Variants in MYPN observed in about 807,000 individuals in gnomAD.
MYPN encodes the protein myopalladin.
MYPN carries 63 observed loss-of-function variants against 129.4 expected under a neutral mutation model. The ratio of observed to expected loss-of-function variants is 0.49; its 90% CI spans 0.40 to 0.60. The LOEUF (loss-of-function observed/expected upper bound fraction) is 0.60, where lower values mean the gene tolerates loss of function less well. Ranked by LOEUF, MYPN falls within the 20% of genes least tolerant of loss-of-function variation. The pLI is 0.00. For missense variants in MYPN, 1,596 were observed against 1,635.4 expected (o/e 0.98, Z 0.42); for synonymous variants, 629 against 600.9 (o/e 1.05, Z -0.68).
intron 17 of MYPN, 67 bp downstream of exon 17, chr10:68,199,642 C>G: frequency 2.0e-6 from 3 of 1,470,064 alleles, no homozygotes; most frequent in Non-Finnish European, 1.9e-6. Flanking sequence ...GAGGCAGAGC[C>G]TCTGCCAGAA....
chr10:68,150,197 A>G lies in MYPN; in HGVS notation c.1317+86A>G, dbSNP rs1367925811. 7.2e-6 allele frequency: 9 copies of G among 1,251,150 alleles called. No individual in the cohort carries two copies. The Admixed American group carries it at 9.0e-5, about 12-fold the overall frequency. 77.5% of individuals were successfully genotyped at this position (1,251,150 alleles called of 1,614,324 possible). ...TAGGATACAAGATTTATTCATTTTT[A>G]TCTCAGGATTTGGTCTTCTGTATGT... On this transcript the variant is annotated intron_variant, in intron 6 of 19. Coordinates refer to ENST00000358913, the MANE Select transcript of MYPN (RefSeq NM_032578.4).
intron 2 of MYPN, among the ~76,000 whole-genome samples, chr10:68,125,420 T>G (rs1311145768): frequency 6.6e-6 from 1 of 152,168 alleles, no homozygotes; most frequent in Non-Finnish European, 1.5e-5. Context: ...GCAATTAGAT[T>G]AAGAATAGAA....
chr10:68,143,129 C>T lies in MYPN; in HGVS notation c.1078+14C>T, dbSNP rs766275789. 31 of 1,611,818 alleles carry T rather than the reference C, an allele frequency of 1.9e-5. No homozygotes were observed. Among genetic ancestry groups the T allele is most frequent in the African/African-American group, 2.7e-5 (2 of 74,848 alleles). ...TTTATATAGAAGGTAAAACAAAATG[C>T]TCTTGGAGTATGACACTTAATAGTA... On this transcript the variant is annotated intron_variant, in intron 3 of 19. Transcript: ENST00000358913.
At chr10:68,120,646 G>A (rs979816028) in intron 1 of MYPN, among the ~76,000 whole-genome samples, 1 of 152,164 alleles carries the variant, frequency 6.6e-6, no homozygotes. Flanking sequence ...GAGCTAGCTA[G>A]ATCAAGTTCA....
At chr10:68,145,855 A>G (rs991443124) in intron 4 of MYPN, among the ~76,000 whole-genome samples, 2 of 152,176 alleles carry the variant, frequency 1.3e-5, no homozygotes, top group Admixed American at 6.5e-5. Flanking sequence ...AACATTCATA[A>G]CCAGAGTAAA....
chr10:68,129,468 T>C (rs2042376458), intron 2 of MYPN, among the ~76,000 whole-genome samples: 1 of 152,212 alleles, frequency 6.6e-6, no homozygotes, highest in South Asian at 2.1e-4. Context: ...TTTTACTGTA[T>C]GGCTAGAATA....
rs1554846698 is a variant in MYPN, at chr10:68,173,848, T to TTTG, written c.1974-217_1974-216insTGT. ...GTATATATAATTTTTTTTTTTTTTGTTAGAGACGGGGTTTCACCATGTTGC... is the reference window on the plus strand; with the variant it reads ...GTATATATAATTTTTTTTTTTTTTGTTTGTAGAGACGGGGTTTCACCATGTTGC... On this transcript the variant is annotated intron_variant, in intron 10 of 19. Transcript: ENST00000358913. 3.0e-5 allele frequency among the ~76,000 whole-genome samples: 4 copies of TTTG among 135,380 alleles called. 1 individual carries two copies. Among genetic ancestry groups the TTTG allele is most frequent in the East Asian group, 4.4e-4 (2 of 4,544 alleles). The allele number at this position is 135,380 out of a possible 152,430, so 88.8% of individuals were successfully genotyped here.
chr10:68,205,339 CT>C lies in MYPN; in HGVS notation c.3660-1427del, dbSNP rs944287058. Among the ~76,000 whole-genome samples, 116 of 151,956 alleles carry C rather than the reference CT, an allele frequency of 7.6e-4. 1 individual carries two copies. The highest frequency in any genetic ancestry group is 2.8e-3 in the African/African-American group (114 of 41,430). On this transcript the variant is annotated intron_variant, in intron 18 of 19. Transcript: ENST00000358913. Reference sequence around the variant, plus strand: ...TTTATCTTTATTTCTACTTATTTATCTTTTATTTATTTATTTTCCATTAAAC... The same window carrying C: ...TTTATCTTTATTTCTACTTATTTATCTTTATTTATTTATTTTCCATTAAAC...
At position 68,197,457 on chromosome 10, in the gene MYPN, C is replaced by T; in HGVS notation, c.3264C>T (p.Arg1088=). 1 of 1,613,916 alleles carries T rather than the reference C, an allele frequency of 6.2e-7. No individual in the cohort carries two copies. Among genetic ancestry groups the T allele is most frequent in the Middle Eastern group, 1.7e-4 (1 of 6,060 alleles). ...APGDMVAHEG[R]LCRLDCKVSG... ...GGGATATGGTAGCTCATGAGGGGCG[C>T]CTCTGTCGGCTGGACTGTAAGGTAG... The change falls in exon 16 of 20, where the codon CGC becomes CGT. Residue 1088 remains arginine (R), a synonymous_variant. Transcript: ENST00000358913.
Position 68,165,742 on chromosome 10 carries a change from A to C in MYPN, c.1524A>C (p.Glu508Asp). ...TGGTCATTGCTGAGGTGTTTGCAGAAGATTCTGGGTGCTTCACATGTACTG... is the reference window on the plus strand; with the variant it reads ...TGGTCATTGCTGAGGTGTTTGCAGACGATTCTGGGTGCTTCACATGTACTG... Reference protein sequence around the residue: ...CTLVIAEVFAEDSGCFTCTAS... With the variant: ...CTLVIAEVFADDSGCFTCTAS... The change falls in exon 9 of 20, where the codon GAA (glutamate) becomes GAC (aspartate). Residue 508 changes from glutamate (E) to aspartate (D), a missense_variant. Physicochemically the swap from Glu to Asp is conservative, Grantham distance 45 (BLOSUM62 2). Coordinates refer to ENST00000358913, the MANE Select transcript of MYPN (RefSeq NM_032578.4). 1 of 1,614,222 alleles carries C rather than the reference A, an allele frequency of 6.2e-7. No individual in the cohort carries two copies. The highest frequency in any genetic ancestry group is 8.5e-7 in the Non-Finnish European group (1 of 1,180,024).
intron 2 of MYPN, among the ~76,000 whole-genome samples, chr10:68,133,857 C>T (rs1395083756): frequency 4.6e-5 from 7 of 151,382 alleles, no homozygotes; most frequent in Non-Finnish European, 1.5e-5. Flanking sequence ...TGAGGAGCTA[C>T]TGGTACACAG....
In MYPN at chr10:68,133,986, C is replaced by G. The variant is rs34720409; in HGVS notation, c.903-8954C>G. Among the ~76,000 whole-genome samples the G allele has an allele frequency of 8.4e-3, 1,271 of 152,102 alleles. 18 individuals are homozygous for G. The highest frequency in any genetic ancestry group is 0.012 in the Non-Finnish European group (844 of 68,004). ...TTTTCAAAAAGCTAAGAAGTCAACA[C>G]CATGAGAGGCTCTAAATTGAACAAA... On this transcript the variant is annotated intron_variant, in intron 2 of 19. Coordinates refer to ENST00000358913, the MANE Select transcript of MYPN (RefSeq NM_032578.4).
intron 16 of MYPN, 58 bp from the exon 17 acceptor site, chr10:68,199,310 C>T: frequency 2.0e-6 from 3 of 1,524,684 alleles, no homozygotes; most frequent in Non-Finnish European, 2.7e-6. Context: ...AGAATTCAGC[C>T]ATCAAATAAA....
intron 1 of MYPN, among the ~76,000 whole-genome samples, chr10:68,111,297 T>C (rs1019372521): frequency 3.3e-5 from 5 of 152,200 alleles, no homozygotes; most frequent in African/African-American, 1.2e-4. Context: ...GAGTTCAATT[T>C]TTCAACAGTT....
chr10:68,122,360 A>G lies in MYPN; in HGVS notation c.902+20A>G. On this transcript the variant is annotated intron_variant, in intron 2 of 19. Coordinates refer to ENST00000358913, the MANE Select transcript of MYPN (RefSeq NM_032578.4). ...AGTAAGGTAAAAATGTCCCATTGGT[A>G]ATGCTGAGTAATGTTGCTTTCCATC... 1 of 1,610,330 alleles carries G rather than the reference A, an allele frequency of 6.2e-7. No homozygotes were observed. Among genetic ancestry groups the G allele is most frequent in the Non-Finnish European group, 8.5e-7 (1 of 1,178,398 alleles).
At chr10:68,139,628 TG>T (rs1297635943) in intron 2 of MYPN, among the ~76,000 whole-genome samples, 1 of 152,250 alleles carries the variant, frequency 6.6e-6, no homozygotes, top group East Asian at 1.9e-4. Flanking sequence ...CTTGTGGTCT[TG>T]GTAGTTTTAT....
intron 12 of MYPN, among the ~76,000 whole-genome samples, chr10:68,183,945 C>G (rs1487442128): frequency 1.3e-5 from 2 of 152,134 alleles, no homozygotes; most frequent in Non-Finnish European, 1.5e-5. Context: ...CTGCTTGAAC[C>G]CAGGGAGTTG....
At chr10:68,115,773 C>G (rs948177058) in intron 1 of MYPN, among the ~76,000 whole-genome samples, 1 of 152,178 alleles carries the variant, frequency 6.6e-6, no homozygotes, top group Admixed American at 6.5e-5. Flanking sequence ...TGGCCTTGAA[C>G]CTTTCTGCCC....
chr10:68,151,596 A>G (rs2042772344), intron 6 of MYPN, among the ~76,000 whole-genome samples: 1 of 152,164 alleles, frequency 6.6e-6, no homozygotes. Flanking sequence ...TAAAACAGTG[A>G]TTAAGTGCCA....
Sources: gnomAD v4.1 joint callset for allele counts (sites outside exome capture counted in the v4.1 genomes callset) on GRCh38, gnomAD v4.1.1 for gene constraint, MANE v1.5 for transcripts, NCBI Gene and HGNC (gene_info 2026-07-23, HGNC 2026-07-21) for gene names.